C4orf50: variants seen among roughly 807,000 people sequenced by gnomAD.
C4orf50 encodes uncharacterized protein C4orf50.
Under a neutral mutation model 77.2 loss-of-function variants are expected in C4orf50, and 80 were observed. That is an observed-to-expected ratio of 1.04 (90% CI 0.87 to 1.25). The LOEUF (loss-of-function observed/expected upper bound fraction) is 1.25. Ranked by LOEUF, C4orf50 falls within the 50% of genes most tolerant of loss-of-function variation. The pLI is 0.00. For synonymous variants in C4orf50, 532 were observed against 465.3 expected, an observed-to-expected ratio of 1.14 and a Z score of -1.84; for missense variants, 1,257 against 1,152.9, an observed-to-expected ratio of 1.09 and a Z score of -1.31.
At chr4:5,978,576 GA>G (rs1167588472) in intron 29 of C4orf50, among the ~76,000 whole-genome samples, 2 of 152,184 alleles carry the variant, frequency 1.3e-5, no homozygotes, top group Admixed American at 6.5e-5. Context: ...ACAGATAAGA[GA>G]AAAAAGCAAT....
At chr4:5,965,754 T>C (rs1384979377) in intron 32 of C4orf50, among the ~76,000 whole-genome samples, 1 of 152,176 alleles carries the variant, frequency 6.6e-6, no homozygotes, top group African/African-American at 2.4e-5. Context: ...GAGAACACGT[T>C]TCTCTGCTCA....
chr4:5,994,554 C>G (rs957561966), intron 25 of C4orf50, 78 bp from the exon 4 acceptor site: 1 of 398,442 alleles, frequency 2.5e-6, no homozygotes, highest in Non-Finnish European at 4.4e-6. Flanking sequence ...CCCAGGGGCC[C>G]CTCCCCAGAA....
intron 30 of C4orf50, 136 bp downstream of exon 8, chr4:5,975,763 A>T: frequency 1.5e-6 from 1 of 653,814 alleles, no homozygotes; most frequent in Non-Finnish European, 2.8e-6. Flanking sequence ...TGCTGGGATT[A>T]CAGGTGTGAG....
At chr4:5,942,888 A>G (rs1718323552) in intron 7 of C4orf50, among the ~76,000 whole-genome samples, 1 of 152,232 alleles carries the variant, frequency 6.6e-6, no homozygotes, top group African/African-American at 2.4e-5. Context: ...ATAAATGTCA[A>G]AATGTTGAAA....
rs150013948 is a variant in C4orf50, at chr4:5,997,500, C to T, written c.964-3024G>A. ...ACTTGTCCAAGGTCACACAGTAAGT[C>T]GACAGGAGCACAGGAGCAGAGCTCA... On this transcript the variant is annotated intron_variant, in intron 25 of 33. Coordinates refer to ENST00000531445, the Ensembl canonical transcript of C4orf50. Among the ~76,000 whole-genome samples the T allele has an allele frequency of 2.4e-4, 37 of 152,304 alleles. 1 individual carries two copies. The highest frequency in any genetic ancestry group is 8.9e-4 in the African/African-American group (37 of 41,578).
At chr4:5,956,439 G>A (rs774555428), downstream of C4orf50, among the ~76,000 whole-genome samples, 1 of 152,220 alleles carries the variant, frequency 6.6e-6, no homozygotes, top group Non-Finnish European at 1.5e-5. Flanking sequence ...TGGAGGACAG[G>A]AACCTGGAGT....
intron 29 of C4orf50, among the ~76,000 whole-genome samples, chr4:5,976,426 A>G (rs28651317): frequency 0.19 from 28,162 of 144,602 alleles, 2,791 homozygotes; most frequent in African/African-American, 0.24. Flanking sequence ...ACTGCGCTCC[A>G]GCCTGGGCGA....
At chr4:5,997,823 T>TC (rs752170299) in intron 25 of C4orf50, among the ~76,000 whole-genome samples, 14 of 152,246 alleles carry the variant, frequency 9.2e-5, no homozygotes, top group Non-Finnish European at 1.9e-4. Context: ...CATTTAATGA[T>TC]ATAGAAGGAT....
At chr4:5,902,440 T>G (rs1425667811) in intron 7 of C4orf50, 1 of 152,212 alleles carries the variant, frequency 6.6e-6, no homozygotes, top group African/African-American at 2.4e-5. Context: ...ACTCTGAAGC[T>G]GGTTGTTCCC....
exon 28 of C4orf50, chr4:5,990,503 G>A (rs1270888156): frequency 7.3e-5 from 29 of 399,290 alleles, no homozygotes; most frequent in Admixed American, 1.3e-4. Context: ...CTTGTCTGGT[G>A]ACAATCCCAG....
chr4:5,975,767 G>C (rs1720241236), intron 30 of C4orf50, 132 bp downstream of exon 8: 2 of 691,498 alleles, frequency 2.9e-6, no homozygotes, highest in Admixed American at 2.2e-5. Context: ...GGGATTACAG[G>C]TGTGAGCCAC....
chr4:5,989,294 C>A (rs1217478216), exon 28 of C4orf50: 1 of 1,536,086 alleles, frequency 6.5e-7, no homozygotes, highest in Non-Finnish European at 8.7e-7. Flanking sequence ...CTCTCGAGGG[C>A]ACCCCAGGGC....
exon 28 of C4orf50, chr4:5,990,691 G>C: frequency 2.5e-6 from 1 of 399,164 alleles, no homozygotes; most frequent in Non-Finnish European, 4.4e-6. Context: ...TTCTGCAGCT[G>C]GGTCAGCTGC....
intron 32 of C4orf50, 130 bp from the exon 11 acceptor site, chr4:5,965,275 G>GT (rs1045648102): frequency 8.1e-5 from 66 of 815,010 alleles, no homozygotes; most frequent in African/African-American, 2.2e-4. Flanking sequence ...TCCATGCCCC[G>GT]GGGCAGAGGT....
At chr4:5,989,430 T>A (rs1159126019) in exon 28 of C4orf50, 2 of 1,535,968 alleles carry the variant, frequency 1.3e-6, no homozygotes, top group East Asian at 4.9e-5. Context: ...CACCACTCTC[T>A]TTAGACTTCG....
intron 23 of C4orf50, among the ~76,000 whole-genome samples, chr4:6,013,455 C>A (rs531613682): frequency 6.6e-6 from 1 of 152,168 alleles, no homozygotes; most frequent in Non-Finnish European, 1.5e-5. Context: ...TAATCTTAAA[C>A]GGAGCAGAAA....
intron 7 of C4orf50, among the ~76,000 whole-genome samples, chr4:5,945,175 C>G (rs77192443): frequency 0.026 from 3,910 of 152,316 alleles, 127 homozygotes; most frequent in African/African-American, 0.075. Flanking sequence ...CCGAGCCCCC[C>G]AGTCCCCTCT....
exon 34 of C4orf50, chr4:5,957,465 C>T (rs898225785): frequency 2.6e-5 from 4 of 152,196 alleles, no homozygotes; most frequent in African/African-American, 9.6e-5. Flanking sequence ...TGCTGCAGGT[C>T]ACTTCCTGCT....
chr4:5,899,578 C>G (rs899144935), intron 7 of C4orf50: 1 of 152,204 alleles, frequency 6.6e-6, no homozygotes, highest in African/African-American at 2.4e-5. Context: ...AAGTTTCCTC[C>G]TGTAGACTCT....
Sources: allele counts gnomAD v4.1 joint callset (sites outside exome capture counted in the v4.1 genomes callset), GRCh38; gene constraint gnomAD v4.1.1; transcripts MANE v1.5; gene names NCBI Gene and HGNC (gene_info 2026-07-23, HGNC 2026-07-21).